Variants in UHRF2 observed in about 807,000 individuals in gnomAD.
UHRF2 encodes E3 ubiquitin-protein ligase UHRF2.
Under a neutral mutation model 96.8 loss-of-function variants are expected in UHRF2, and 23 were observed. The ratio of observed to expected loss-of-function variants is 0.24; its 90% CI spans 0.17 to 0.34. The LOEUF (loss-of-function observed/expected upper bound fraction) is 0.34. UHRF2 is among the 10% of genes least tolerant of loss of function. The pLI is 1.00. For synonymous variants in UHRF2, 385 were observed against 332.6 expected, an observed-to-expected ratio of 1.16 and a Z score of -1.72; for missense variants, 685 against 981.5, an observed-to-expected ratio of 0.70 and a Z score of 4.04.
At chr9:6,441,878 T>C (rs1821185151) in intron 3 of UHRF2, among the ~76,000 whole-genome samples, 1 of 152,218 alleles carries the variant, frequency 6.6e-6, no homozygotes, top group African/African-American at 2.4e-5. Context: ...TTTACCCATA[T>C]TAATTTTTCA....
chr9:6,435,496 C>T (rs1474199024), intron 3 of UHRF2, among the ~76,000 whole-genome samples: 1 of 152,136 alleles, frequency 6.6e-6, no homozygotes, highest in Admixed American at 6.6e-5. Flanking sequence ...GAGTATAATT[C>T]GTTGTTTTTG....
intron 9 of UHRF2, 122 bp from the exon 10 acceptor site, chr9:6,493,704 A>G: frequency 1.3e-6 from 1 of 775,944 alleles, no homozygotes; most frequent in Non-Finnish European, 2.0e-6. Flanking sequence ...TTATTTTGGG[A>G]GATGCCTCAA....
At chr9:6,459,602 G>A (rs1391588994) in intron 3 of UHRF2, among the ~76,000 whole-genome samples, 1 of 152,190 alleles carries the variant, frequency 6.6e-6, no homozygotes, top group African/African-American at 2.4e-5. Flanking sequence ...CCAGGAGGTG[G>A]AAGTGGCAGT....
chr9:6,488,799 G>C (rs1382739237), intron 9 of UHRF2, among the ~76,000 whole-genome samples: 1 of 150,482 alleles, frequency 6.6e-6, no homozygotes, highest in South Asian at 2.1e-4. Flanking sequence ...ACCGTGCTGA[G>C]TGTTTTTTTT....
chr9:6,456,267 T>G (rs966839765), intron 3 of UHRF2, among the ~76,000 whole-genome samples: 2 of 152,206 alleles, frequency 1.3e-5, no homozygotes, highest in Non-Finnish European at 2.9e-5. Flanking sequence ...GGTTTTGATG[T>G]GCGTTTCTCT....
intron 14 of UHRF2, among the ~76,000 whole-genome samples, chr9:6,500,963 A>C (rs1338295525): frequency 2.0e-5 from 3 of 152,216 alleles, no homozygotes; most frequent in Admixed American, 2.0e-4. Context: ...ACTGTTCCTC[A>C]GAAGAATTTT....
chr9:6,473,855 C>T (rs1323044456), intron 4 of UHRF2, among the ~76,000 whole-genome samples: 2 of 152,114 alleles, frequency 1.3e-5, no homozygotes, highest in Non-Finnish European at 2.9e-5. Flanking sequence ...TACCAATGTA[C>T]AAGAAATGCG....
rs573141929 is a variant in UHRF2 at position 6,455,419 on chromosome 9, G to A, written c.645-5154G>A. 2.0e-5 allele frequency among the ~76,000 whole-genome samples: 3 copies of A among 152,280 alleles called. No homozygotes were observed. In the South Asian group the frequency reaches 6.2e-4, roughly 32 times the overall value. On this transcript the variant is annotated intron_variant, in intron 3 of 15. Coordinates refer to ENST00000276893, the MANE Select transcript of UHRF2 (RefSeq NM_152896.3). ...TTTTTTGTACTTGCGATAGTTTGCT[G>A]AGAATGATGGTTTCCAGCTTCATCC... is the stretch of plus-strand genomic sequence containing the variant.
chr9:6,450,397 T>A (rs1821787858), intron 3 of UHRF2, among the ~76,000 whole-genome samples: 1 of 151,634 alleles, frequency 6.6e-6, no homozygotes, highest in South Asian at 2.1e-4. Context: ...GTAGTGATAT[T>A]TGACACATTC....
chr9:6,464,759 G>A (rs1437158314), intron 4 of UHRF2, among the ~76,000 whole-genome samples: 1 of 152,048 alleles, frequency 6.6e-6, no homozygotes, highest in Non-Finnish European at 1.5e-5. Context: ...TGTACCATGG[G>A]TCTGTTTTTT....
At chr9:6,491,498 C>T (rs1053179865) in intron 9 of UHRF2, among the ~76,000 whole-genome samples, 1 of 152,176 alleles carries the variant, frequency 6.6e-6, no homozygotes, top group Non-Finnish European at 1.5e-5. Context: ...AGGCTATGGT[C>T]TAGACAACCT....
chr9:6,473,439 A>G (rs1823371948), intron 4 of UHRF2, among the ~76,000 whole-genome samples: 1 of 152,222 alleles, frequency 6.6e-6, no homozygotes, highest in Non-Finnish European at 1.5e-5. Flanking sequence ...AATTGTGCCA[A>G]GTAAATGAGA....
chr9:6,490,892 G>T (rs1235257411), intron 9 of UHRF2, among the ~76,000 whole-genome samples: 1 of 152,066 alleles, frequency 6.6e-6, no homozygotes, highest in Non-Finnish European at 1.5e-5. Flanking sequence ...TCTTTCTATT[G>T]TAGGCAAGTA....
chr9:6,449,496 TGTC>T (rs914682180), intron 3 of UHRF2: 2 of 152,274 alleles, frequency 1.3e-5, no homozygotes, highest in Admixed American at 6.5e-5. Flanking sequence ...ACCTTCATCT[TGTC>T]GTCTGTTTCC....
At chr9:6,472,758 T>G (rs1823323262) in intron 4 of UHRF2, among the ~76,000 whole-genome samples, 2 of 152,218 alleles carry the variant, frequency 1.3e-5, no homozygotes, top group South Asian at 4.1e-4. Context: ...TTTCAGTAAT[T>G]GACAGCTGGC....
intron 3 of UHRF2, among the ~76,000 whole-genome samples, chr9:6,444,460 G>A (rs1021070422): frequency 1.3e-5 from 2 of 152,066 alleles, no homozygotes; most frequent in Non-Finnish European, 2.9e-5. Flanking sequence ...CTTATATATC[G>A]TCCCTTTACA....
rs61371978 is a variant in UHRF2, at chr9:6,461,352, T to TC, written c.863+569dup. Among the ~76,000 whole-genome samples, 254 of 72,662 alleles carry TC rather than the reference T, an allele frequency of 3.5e-3. 5 individuals are homozygous for TC. Among genetic ancestry groups the TC allele is most frequent in the Non-Finnish European group, 4.1e-3 (163 of 39,594 alleles). The allele number at this position is 72,662 out of a possible 152,430, so 47.7% of individuals were successfully genotyped here. A position where few individuals can be genotyped will look rare whatever the true frequency, so the allele number is the denominator to read the frequency against. On this transcript the variant is annotated intron_variant, in intron 4 of 15. Transcript: ENST00000276893. ...CTCTCTCCCTCCCTCCCTCTCTCTC[T>TC]CCCCCCCCTCCTCCTCTCCCCCTCC... is the stretch of plus-strand genomic sequence containing the variant.
At position 6,413,216 on chromosome 9, in the gene UHRF2, G is replaced by T. The variant is rs1819387960; in HGVS notation, c.-275G>T. 6.1e-6 allele frequency: 1 copy of T among 165,288 alleles called. No individual in the cohort carries two copies. 10.2% of individuals were successfully genotyped at this position (165,288 alleles called of 1,614,324 possible). On this transcript the variant is annotated 5_prime_UTR_variant, in exon 1 of 16. Coordinates refer to ENST00000276893, the MANE Select transcript of UHRF2 (RefSeq NM_152896.3). Reference sequence around the variant, plus strand: ...CCAGCTCTATAAGTAAACACTCTGCGCGGCGCAGACATGGCCTCTTCCTAT... The same window carrying T: ...CCAGCTCTATAAGTAAACACTCTGCTCGGCGCAGACATGGCCTCTTCCTAT...
rs146661350 is a variant in UHRF2 at position 6,435,351 on chromosome 9, C to A, written c.644+1178C>A. 2.8e-3 allele frequency among the ~76,000 whole-genome samples: 425 copies of A among 152,240 alleles called. 1 individual carries two copies. The highest frequency in any genetic ancestry group is 3.4e-3 in the Non-Finnish European group (231 of 68,014). ...ATATTGTCCAGGCTGGTGTTGAACT[C>A]CTGGGCTCAAGTGATCCTCCCACCT... On this transcript the variant is annotated intron_variant, in intron 3 of 15. Coordinates refer to ENST00000276893, the MANE Select transcript of UHRF2 (RefSeq NM_152896.3).
Sources: gnomAD v4.1 joint callset for allele counts (sites outside exome capture counted in the v4.1 genomes callset) on GRCh38, gnomAD v4.1.1 for gene constraint, MANE v1.5 for transcripts, NCBI Gene and HGNC (gene_info 2026-07-23, HGNC 2026-07-21) for gene names.